Variants in ROBO1 observed in about 807,000 individuals in gnomAD.
ROBO1 encodes roundabout homolog 1.
A neutral mutation model predicts 195.9 loss-of-function variants in ROBO1; 149 were observed. The ratio of observed to expected loss-of-function variants is 0.76; its 90% CI spans 0.67 to 0.87. ROBO1 has a LOEUF of 0.87. Ranked by LOEUF, ROBO1 falls within the 40% of genes least tolerant of loss-of-function variation. The probability of loss-of-function intolerance (pLI) is 0.00; values close to 1 mark genes in which losing one functional copy is unlikely to be tolerated. For synonymous variants in ROBO1, 816 were observed against 733.2 expected (o/e 1.11, Z -1.82); for missense variants, 1,933 against 2,068.3 (o/e 0.93, Z 1.27).
At chr3:79,559,861 G>C (rs553994923) in intron 2 of ROBO1, among the ~76,000 whole-genome samples, 6 of 152,098 alleles carry the variant, frequency 3.9e-5, no homozygotes, top group Non-Finnish European at 5.9e-5. Flanking sequence ...AGGTTTCAGT[G>C]AGCTGAGATC....
At chr3:78,613,591 C>T (rs945935150) in intron 28 of ROBO1, among the ~76,000 whole-genome samples, 1 of 152,092 alleles carries the variant, frequency 6.6e-6, no homozygotes, top group African/African-American at 2.4e-5. Flanking sequence ...CAGATAGATG[C>T]CAGTGAGAGA....
chr3:79,664,375 A>G (rs1048037634), intron 1 of ROBO1, among the ~76,000 whole-genome samples: 31 of 152,010 alleles, frequency 2.0e-4, no homozygotes, highest in African/African-American at 7.5e-4. Flanking sequence ...TGTGTCAACT[A>G]CATATATGTG....
intron 1 of ROBO1, among the ~76,000 whole-genome samples, chr3:79,590,997 G>A (rs1158514849): frequency 6.6e-6 from 1 of 151,642 alleles, no homozygotes; most frequent in Non-Finnish European, 1.5e-5. Flanking sequence ...GAGCCACTGA[G>A]ATTTTAATAA....
At chr3:79,192,796 T>C (rs1013249384) in intron 2 of ROBO1, among the ~76,000 whole-genome samples, 1 of 151,542 alleles carries the variant, frequency 6.6e-6, no homozygotes, top group African/African-American at 2.4e-5. Flanking sequence ...GAGAGCTACC[T>C]GAGTGTTTTT....
chr3:79,097,583 C>T (rs767401318), intron 3 of ROBO1, among the ~76,000 whole-genome samples: 3 of 151,590 alleles, frequency 2.0e-5, no homozygotes, highest in Non-Finnish European at 4.4e-5. Context: ...GGCTTTATGT[C>T]AAGTCAGTTC....
At chr3:79,457,895 G>C (rs2039674866) in intron 2 of ROBO1, among the ~76,000 whole-genome samples, 1 of 152,134 alleles carries the variant, frequency 6.6e-6, no homozygotes, top group Non-Finnish European at 1.5e-5. Context: ...AAGAAAGAAA[G>C]AATGATACAG....
intron 3 of ROBO1, among the ~76,000 whole-genome samples, chr3:79,046,594 G>A (rs918403063): frequency 4.6e-5 from 7 of 152,124 alleles, no homozygotes; most frequent in Non-Finnish European, 7.4e-5. Flanking sequence ...GGAGTCCAAT[G>A]TTCAAGGGCA....
intron 2 of ROBO1, among the ~76,000 whole-genome samples, chr3:79,225,328 T>C (rs1434363718): frequency 6.6e-6 from 1 of 152,172 alleles, no homozygotes; most frequent in Non-Finnish European, 1.5e-5. Context: ...TTAGTCTTAC[T>C]TAGATGACTC....
intron 2 of ROBO1, among the ~76,000 whole-genome samples, chr3:79,449,267 T>C (rs938683432): frequency 6.6e-6 from 1 of 151,872 alleles, no homozygotes; most frequent in African/African-American, 2.4e-5. Flanking sequence ...GATTCAGTAA[T>C]ATATGTGTAG....
intron 1 of ROBO1, among the ~76,000 whole-genome samples, chr3:79,716,073 G>A (rs966665379): frequency 6.6e-6 from 1 of 151,820 alleles, no homozygotes; most frequent in African/African-American, 2.4e-5. Flanking sequence ...AAGTTATAGA[G>A]GTAACATTCT....
intron 2 of ROBO1, among the ~76,000 whole-genome samples, chr3:79,239,753 T>C (rs1336171247): frequency 1.3e-5 from 2 of 152,206 alleles, no homozygotes; most frequent in Non-Finnish European, 2.9e-5. Context: ...TTTGATCTTT[T>C]CACGTTCCCA....
intron 1 of ROBO1, among the ~76,000 whole-genome samples, chr3:79,714,763 A>C (rs571714992): frequency 1.7e-4 from 25 of 149,472 alleles, no homozygotes; most frequent in East Asian, 1.2e-3. Context: ...AAACCAAACA[A>C]CGCATGTTCT....
intron 3 of ROBO1, among the ~76,000 whole-genome samples, chr3:79,024,033 A>G (rs1229676325): frequency 3.3e-5 from 5 of 152,018 alleles, no homozygotes; most frequent in Non-Finnish European, 7.4e-5. Flanking sequence ...TTAACACAGC[A>G]TTGTGAAGAT....
intron 4 of ROBO1, among the ~76,000 whole-genome samples, chr3:78,853,730 T>G (rs1029886322): frequency 2.0e-5 from 3 of 152,046 alleles, no homozygotes; most frequent in African/African-American, 7.2e-5. Flanking sequence ...TACCTGAGAC[T>G]GGGTAATTTA....
At chr3:79,176,323 A>G (rs1011566416) in intron 2 of ROBO1, among the ~76,000 whole-genome samples, 2 of 152,116 alleles carry the variant, frequency 1.3e-5, no homozygotes, top group African/African-American at 2.4e-5. Context: ...AAAATTATCC[A>G]TTTTGTTCAG....
At chr3:79,668,956 CAT>C (rs986019581) in intron 1 of ROBO1, among the ~76,000 whole-genome samples, 4 of 151,846 alleles carry the variant, frequency 2.6e-5, no homozygotes, top group African/African-American at 9.7e-5. Context: ...TTTTGGTCAA[CAT>C]GTGTACAATG....
intron 5 of ROBO1, among the ~76,000 whole-genome samples, chr3:78,722,817 TC>T (rs1466334828): frequency 6.6e-6 from 1 of 152,114 alleles, no homozygotes; most frequent in Non-Finnish European, 1.5e-5. Context: ...AGATATTAGT[TC>T]CTCTGTATCT....
At chr3:79,262,863 C>A (rs1243746558) in intron 2 of ROBO1, among the ~76,000 whole-genome samples, 1 of 151,544 alleles carries the variant, frequency 6.6e-6, no homozygotes, top group African/African-American at 2.4e-5. Context: ...TTTAAAAAGT[C>A]CTGATAGCTC....
intron 4 of ROBO1, among the ~76,000 whole-genome samples, chr3:78,826,108 G>A (rs1170609113): frequency 6.6e-6 from 1 of 152,116 alleles, no homozygotes; most frequent in African/African-American, 2.4e-5. Flanking sequence ...ATTCATTAAG[G>A]AAGTTGTTTG....
Sources: allele counts gnomAD v4.1 joint callset (sites outside exome capture counted in the v4.1 genomes callset), GRCh38; gene constraint gnomAD v4.1.1; transcripts MANE v1.5; gene names NCBI Gene and HGNC (gene_info 2026-07-23, HGNC 2026-07-21).